NOL4: variants seen among roughly 807,000 people sequenced by gnomAD.
The protein encoded by NOL4 is cancer/testis antigen 125.
A neutral mutation model predicts 75.9 loss-of-function variants in NOL4; 17 were observed. That is an observed-to-expected ratio of 0.22 (90% CI 0.15 to 0.34). The LOEUF (loss-of-function observed/expected upper bound fraction) is 0.34, where lower values mean the gene tolerates loss of function less well. NOL4 is among the 10% of genes least tolerant of loss of function. NOL4 has a pLI of 1.00. For synonymous variants in NOL4, 292 were observed against 289.9 expected, an observed-to-expected ratio of 1.01 and a Z score of -0.07; for missense variants, 614 against 793.5, an observed-to-expected ratio of 0.77 and a Z score of 2.72.
intron 1 of NOL4, among the ~76,000 whole-genome samples, chr18:34,155,871 A>C (rs2030292133): frequency 6.6e-6 from 1 of 152,182 alleles, no homozygotes; most frequent in African/African-American, 2.4e-5. Flanking sequence ...CATGATTAAA[A>C]ACTTCATATC....
At chr18:34,065,879 G>A (rs967869597) in intron 5 of NOL4, among the ~76,000 whole-genome samples, 8 of 151,896 alleles carry the variant, frequency 5.3e-5, no homozygotes, top group East Asian at 1.9e-4. Flanking sequence ...TGAGGACTTC[G>A]GCTGAATATT....
chr18:33,885,179 T>G (rs2144714483), intron 9 of NOL4, among the ~76,000 whole-genome samples: 1 of 152,240 alleles, frequency 6.6e-6, no homozygotes, highest in South Asian at 2.1e-4. Context: ...ATCATTCCTC[T>G]GAGATATATT....
At chr18:33,972,312 A>C (rs1350197377) in intron 6 of NOL4, among the ~76,000 whole-genome samples, 2 of 152,180 alleles carry the variant, frequency 1.3e-5, no homozygotes, top group Non-Finnish European at 2.9e-5. Context: ...AAAAATGAGC[A>C]AAGTATTTAA....
intron 2 of NOL4, among the ~76,000 whole-genome samples, chr18:34,124,005 T>G (rs1400876096): frequency 2.0e-5 from 3 of 152,116 alleles, no homozygotes; most frequent in Non-Finnish European, 4.4e-5. Context: ...GAACTTGGAA[T>G]AGTTCATTTA....
chr18:33,857,348 C>T (rs1327233786), intron 10 of NOL4, among the ~76,000 whole-genome samples: 1 of 151,962 alleles, frequency 6.6e-6, no homozygotes, highest in Admixed American at 6.6e-5. Context: ...TCTGATAGGA[C>T]AAGAAGCTTA....
intron 5 of NOL4, among the ~76,000 whole-genome samples, chr18:34,036,090 C>A (rs1167437541): frequency 6.6e-6 from 1 of 151,866 alleles, no homozygotes; most frequent in Non-Finnish European, 1.5e-5. Flanking sequence ...TCAAAAAAAT[C>A]AAAGAGAAGG....
At chr18:34,102,523 T>C (rs1040694854) in intron 4 of NOL4, among the ~76,000 whole-genome samples, 13 of 152,082 alleles carry the variant, frequency 8.5e-5, no homozygotes, top group Admixed American at 7.2e-4. Flanking sequence ...TCCAATTTAG[T>C]ATTTTCAAAA....
At chr18:34,217,581 T>C (rs1167376041) in intron 1 of NOL4, among the ~76,000 whole-genome samples, 1 of 152,120 alleles carries the variant, frequency 6.6e-6, no homozygotes, top group African/African-American at 2.4e-5. Context: ...GCCACCGCGC[T>C]TGACCTTGTA....
chr18:34,096,332 A>T (rs2078776682), intron 4 of NOL4, among the ~76,000 whole-genome samples: 1 of 152,048 alleles, frequency 6.6e-6, no homozygotes, highest in African/African-American at 2.4e-5. Context: ...TTAGAATTCA[A>T]TTGTTATACT....
At chr18:33,940,251 A>C (rs762700490) in intron 9 of NOL4, among the ~76,000 whole-genome samples, 9 of 152,130 alleles carry the variant, frequency 5.9e-5, no homozygotes, top group Admixed American at 1.3e-4. Flanking sequence ...ACACATGCAC[A>C]TGTATATTTA....
At chr18:33,928,398 G>A (rs563058086) in intron 9 of NOL4, among the ~76,000 whole-genome samples, 181 of 152,220 alleles carry the variant, frequency 1.2e-3, no homozygotes, top group Middle Eastern at 3.4e-3. Context: ...AATGCTTAAT[G>A]AAACCAGAAA....
intron 9 of NOL4, among the ~76,000 whole-genome samples, chr18:33,887,930 T>TC (rs1378754587): frequency 6.6e-6 from 1 of 152,188 alleles, no homozygotes; most frequent in African/African-American, 2.4e-5. Flanking sequence ...TTTGGGTATA[T>TC]CCCCAGTAAT....
At chr18:33,948,294 T>A (rs2068974082) in intron 8 of NOL4, among the ~76,000 whole-genome samples, 1 of 151,914 alleles carries the variant, frequency 6.6e-6, no homozygotes, top group South Asian at 2.1e-4. Flanking sequence ...TTAAGATTAT[T>A]CCTCCTAAAC....
At chr18:34,205,123 A>G (rs1022716060) in intron 1 of NOL4, among the ~76,000 whole-genome samples, 2 of 152,132 alleles carry the variant, frequency 1.3e-5, no homozygotes, top group Admixed American at 1.3e-4. Context: ...TTAAATTTCA[A>G]AAGTTTACTT....
chr18:34,128,709 G>C (rs1243080380), intron 2 of NOL4: 1 of 178,866 alleles, frequency 5.6e-6, no homozygotes, highest in Non-Finnish European at 1.1e-5. Flanking sequence ...AACCATAGAG[G>C]AGGAGGGATA....
intron 5 of NOL4, among the ~76,000 whole-genome samples, chr18:34,042,265 A>G (rs1038727838): frequency 2.0e-5 from 3 of 152,036 alleles, no homozygotes; most frequent in Non-Finnish European, 2.9e-5. Flanking sequence ...CTCCCTAGCC[A>G]GTAATGATGG....
At chr18:33,886,886 T>C (rs968722638) in intron 9 of NOL4, among the ~76,000 whole-genome samples, 64 of 140,392 alleles carry the variant, frequency 4.6e-4, no homozygotes, top group Non-Finnish European at 8.4e-4. Context: ...TATCTATATA[T>C]CTAGATATAT....
At chr18:33,968,212 A>G (rs1488697838) in intron 6 of NOL4, among the ~76,000 whole-genome samples, 1 of 152,216 alleles carries the variant, frequency 6.6e-6, no homozygotes, top group Non-Finnish European at 1.5e-5. Context: ...CCACTGTGGA[A>G]AGCAGTTTGG....
intron 5 of NOL4, among the ~76,000 whole-genome samples, chr18:34,038,998 T>C (rs2076028129): frequency 6.6e-6 from 1 of 151,778 alleles, no homozygotes; most frequent in African/African-American, 2.4e-5. Flanking sequence ...ATGTAAAAAA[T>C]ACAAATATCA....
Sources: gnomAD v4.1 joint callset for allele counts (sites outside exome capture counted in the v4.1 genomes callset) on GRCh38, gnomAD v4.1.1 for gene constraint, MANE v1.5 for transcripts, NCBI Gene and HGNC (gene_info 2026-07-23, HGNC 2026-07-21) for gene names.